ODAD2: variants seen among roughly 807,000 people sequenced by gnomAD.
ODAD2 encodes outer dynein arm docking complex subunit 2, also known as outer dynein arm-docking complex subunit 2.
A neutral mutation model predicts 106.8 loss-of-function variants in ODAD2; 89 were observed. The ratio of observed to expected loss-of-function variants is 0.83; its 90% CI spans 0.70 to 0.99. ODAD2 has a LOEUF of 0.99. Among genes scored for constraint, ODAD2 ranks in the 50% least tolerant of loss-of-function variants. The pLI, the probability that ODAD2 is intolerant of heterozygous loss-of-function variation, is 0.00. For missense variants in ODAD2, 1,168 were observed against 1,238.5 expected (o/e 0.94, Z 0.85); for synonymous variants, 404 against 436.2 (o/e 0.93, Z 0.92).
In ODAD2 at chr10:27,981,658, T is replaced by A. The variant is rs905586254; in HGVS notation, c.820-76A>T. On this transcript the variant is annotated intron_variant, in intron 6 of 19. Coordinates refer to ENST00000305242, the MANE Select transcript of ODAD2 (RefSeq NM_018076.5). ...AGAAGCTGATCAATACATCACAAGC[T>A]AGCCACACGTATTATTTTCATCTCC... 3.0e-6 allele frequency: 3 copies of A among 1,014,414 alleles called. No individual in the cohort carries two copies. The African/African-American group carries it at 5.1e-5, about 17-fold the overall frequency. The allele number at this position is 1,014,414 out of a possible 1,614,324, so 62.8% of individuals were successfully genotyped here. A position where few individuals can be genotyped will look rare whatever the true frequency, so the allele number is the denominator to read the frequency against.
rs150213638 is a variant in ODAD2 at position 27,907,772 on chromosome 10, A to G, written c.2501T>C (p.Ile834Thr). ...CAAACGAACTCCATCTAAGCGATCA[A>G]TTATCCTATCGTGGAACCCAAAATC... ...CAVEPESMMIIDRLDGVRLLW... is the reference protein window; with the variant it reads ...CAVEPESMMITDRLDGVRLLW... Residue 834 changes from isoleucine to threonine, a missense_variant, in exon 17 of 20, where the codon ATT becomes ACT. Around this residue, in one of 3 missense-constraint regions of ODAD2, gnomAD observed 701 missense variants for 712.3 expected, o/e 0.98. Transcript: ENST00000305242. The G allele has an allele frequency of 4.3e-5, 69 of 1,611,826 alleles. No individual in the cohort carries two copies. The highest frequency in any genetic ancestry group is 5.5e-5 in the Non-Finnish European group (65 of 1,178,326).
At chr10:27,924,003 A>AG (rs1845008240) in intron 16 of ODAD2, among the ~76,000 whole-genome samples, 3 of 132,246 alleles carry the variant, frequency 2.3e-5, no homozygotes, top group African/African-American at 5.6e-5. Flanking sequence ...AGAAAGAAAG[A>AG]AAGAAAGAAA....
At chr10:27,861,766 T>C (rs1396344043) in intron 18 of ODAD2, among the ~76,000 whole-genome samples, 1 of 152,236 alleles carries the variant, frequency 6.6e-6, no homozygotes, top group Non-Finnish European at 1.5e-5. Context: ...GGTTTTGTGT[T>C]TATTAAGAGT....
intron 16 of ODAD2, among the ~76,000 whole-genome samples, chr10:27,923,244 T>C (rs1179543692): frequency 6.6e-6 from 1 of 152,162 alleles, no homozygotes; most frequent in East Asian, 1.9e-4. Flanking sequence ...CCCATTTATA[T>C]ACTGCATGCA....
At chr10:27,887,302 T>C (rs1842289284) in intron 17 of ODAD2, among the ~76,000 whole-genome samples, 2 of 152,062 alleles carry the variant, frequency 1.3e-5, no homozygotes, top group African/African-American at 4.8e-5. Flanking sequence ...GAGGATGTAA[T>C]AATTACAAAC....
intron 5 of ODAD2, 71 bp downstream of exon 5, chr10:27,984,113 A>G: frequency 1.3e-6 from 2 of 1,485,618 alleles, no homozygotes; most frequent in Non-Finnish European, 1.9e-6. Context: ...TAATGTAGAC[A>G]TTGAAAGCAT....
intron 17 of ODAD2, among the ~76,000 whole-genome samples, chr10:27,897,592 G>A (rs1334720773): frequency 6.6e-6 from 1 of 152,048 alleles, no homozygotes; most frequent in East Asian, 1.9e-4. Context: ...TACTGTAATA[G>A]CCCAATTTGT....
chr10:27,830,400 G>A (rs1373943363), intron 19 of ODAD2, among the ~76,000 whole-genome samples: 4 of 152,120 alleles, frequency 2.6e-5, no homozygotes, highest in South Asian at 2.1e-4. Flanking sequence ...GTCTCAACTC[G>A]ATACTTGGAA....
intron 10 of ODAD2, among the ~76,000 whole-genome samples, chr10:27,956,612 A>G (rs1360240753): frequency 6.6e-6 from 1 of 152,158 alleles, no homozygotes; most frequent in Non-Finnish European, 1.5e-5. Flanking sequence ...AGCCTCTGAC[A>G]TGCCTCTGAA....
At chr10:27,902,367 C>T (rs961030459) in intron 17 of ODAD2, among the ~76,000 whole-genome samples, 2 of 151,944 alleles carry the variant, frequency 1.3e-5, no homozygotes, top group African/African-American at 4.8e-5. Flanking sequence ...AATCGACACC[C>T]TAACATCACA....
intron 16 of ODAD2, among the ~76,000 whole-genome samples, chr10:27,912,865 G>C (rs1844105851): frequency 6.6e-6 from 1 of 152,090 alleles, no homozygotes; most frequent in Non-Finnish European, 1.5e-5. Flanking sequence ...GGGAAAAACA[G>C]ATTAGAAGAG....
At chr10:27,906,877 A>G (rs1294730825) in intron 17 of ODAD2, among the ~76,000 whole-genome samples, 1 of 152,096 alleles carries the variant, frequency 6.6e-6, no homozygotes, top group Non-Finnish European at 1.5e-5. Flanking sequence ...GTGCGGGACT[A>G]GGGGAGGAAT....
At chr10:27,930,389 C>T (rs943424997) in intron 16 of ODAD2, among the ~76,000 whole-genome samples, 3 of 151,978 alleles carry the variant, frequency 2.0e-5, no homozygotes, top group African/African-American at 7.2e-5. Flanking sequence ...ATTAGCACAC[C>T]TGTAGTCCTA....
chr10:27,902,141 G>T (rs1044986381), intron 17 of ODAD2, among the ~76,000 whole-genome samples: 2 of 152,170 alleles, frequency 1.3e-5, no homozygotes, highest in African/African-American at 4.8e-5. Flanking sequence ...TGGAACTCAG[G>T]ATTAAGAAAC....
intron 1 of ODAD2, among the ~76,000 whole-genome samples, chr10:27,998,643 A>G (rs1438344158): frequency 6.7e-6 from 1 of 150,076 alleles, no homozygotes; most frequent in Non-Finnish European, 1.5e-5. Context: ...TGGGGCTGGG[A>G]GAGAGAAGGG....
At chr10:27,921,592 AT>A (rs1844782746) in intron 16 of ODAD2, among the ~76,000 whole-genome samples, 1 of 151,968 alleles carries the variant, frequency 6.6e-6, no homozygotes, top group Non-Finnish European at 1.5e-5. Context: ...ATATGCATAT[AT>A]AAATGGATTT....
intron 19 of ODAD2, chr10:27,836,153 G>A (rs1405413806): frequency 1.3e-5 from 2 of 152,000 alleles, no homozygotes; most frequent in Non-Finnish European, 2.9e-5. Context: ...GCTGTTCAAG[G>A]GTCAACTGTA....
intron 16 of ODAD2, among the ~76,000 whole-genome samples, chr10:27,920,769 CAG>C (rs1844720008): frequency 6.6e-6 from 1 of 151,796 alleles, no homozygotes; most frequent in Non-Finnish European, 1.5e-5. Context: ...TGGGCAGCCA[CAG>C]AGAGATTAAA....
intron 17 of ODAD2, among the ~76,000 whole-genome samples, chr10:27,869,811 A>G (rs755020971): frequency 2.1e-4 from 32 of 152,120 alleles, no homozygotes; most frequent in Non-Finnish European, 4.3e-4. Context: ...CTAGGATTAC[A>G]GGCATGAGCC....
Sources: allele counts gnomAD v4.1 joint callset (sites outside exome capture counted in the v4.1 genomes callset), GRCh38; gene constraint gnomAD v4.1.1; regional missense constraint gnomAD v4.1.1; transcripts MANE v1.5; gene names NCBI Gene and HGNC (gene_info 2026-07-23, HGNC 2026-07-21).